NBAS: variants seen among roughly 807,000 people sequenced by gnomAD.
NBAS encodes NBAS subunit of NRZ tethering complex.
In NBAS, 219 loss-of-function variants were observed where a neutral mutation model predicts 302.5. The observed-to-expected ratio is 0.72, with a 90% CI of 0.65 to 0.81. The LOEUF is 0.81. NBAS is among the 30% of genes least tolerant of loss of function. The pLI is 0.00. For synonymous variants in NBAS, 1,118 were observed against 1,021.6 expected, an observed-to-expected ratio of 1.09 and a Z score of -1.80; for missense variants, 2,932 against 2,841.6, an observed-to-expected ratio of 1.03 and a Z score of -0.72.
chr2:14,881,696 G>A, the NBAS span, among the ~76,000 whole-genome samples: 1 of 152,178 alleles, frequency 6.6e-6, no homozygotes, highest in Non-Finnish European at 1.5e-5. Flanking sequence ...GCTGCCACCT[G>A]TTTTTGTTTT....
chr2:15,220,082 G>A (rs1666873005), intron 47 of NBAS, among the ~76,000 whole-genome samples: 11 of 143,778 alleles, frequency 7.7e-5, no homozygotes, highest in Admixed American at 6.8e-5. Context: ...GCGGGGGGCT[G>A]ACCCCCCCCA....
chr2:15,551,202 T>A (rs1223609576), intron 6 of NBAS, among the ~76,000 whole-genome samples: 1 of 152,192 alleles, frequency 6.6e-6, no homozygotes, highest in Non-Finnish European at 1.5e-5. Flanking sequence ...GACTTATACC[T>A]ATTTATTTCT....
intron 45 of NBAS, among the ~76,000 whole-genome samples, chr2:15,235,429 A>T (rs751803162): frequency 2.6e-5 from 4 of 152,200 alleles, no homozygotes; most frequent in Non-Finnish European, 4.4e-5. Flanking sequence ...TTTAAGAAAT[A>T]AGAGGGAAGC....
At chr2:15,142,431 A>C in the NBAS span, among the ~76,000 whole-genome samples, 1 of 152,232 alleles carries the variant, frequency 6.6e-6, no homozygotes, top group Admixed American at 6.5e-5. Context: ...AGGTTCCTGC[A>C]GATGACGTCA....
At chr2:15,053,207 T>A in the NBAS span, among the ~76,000 whole-genome samples, 2 of 152,370 alleles carry the variant, frequency 1.3e-5, no homozygotes, top group East Asian at 1.9e-4. Context: ...ATTTTAAAAT[T>A]ATTTCAGAGG....
At chr2:15,292,254 G>A (rs940719159) in intron 41 of NBAS, among the ~76,000 whole-genome samples, 12 of 152,260 alleles carry the variant, frequency 7.9e-5, no homozygotes, top group Non-Finnish European at 1.8e-4. Flanking sequence ...CAAAGTGCTG[G>A]GATTACAGGC....
At chr2:15,194,573 G>A (rs1665520049) in intron 48 of NBAS, among the ~76,000 whole-genome samples, 1 of 152,020 alleles carries the variant, frequency 6.6e-6, no homozygotes, top group African/African-American at 2.4e-5. Context: ...CTTTCTTAAA[G>A]AAAATGATAA....
the NBAS span, among the ~76,000 whole-genome samples, chr2:15,019,515 T>A: frequency 6.6e-6 from 1 of 152,112 alleles, no homozygotes; most frequent in Non-Finnish European, 1.5e-5. Context: ...TGCCTAGATA[T>A]GGAAGTCAGG....
At chr2:15,287,880 G>T (rs1293618007) in intron 41 of NBAS, among the ~76,000 whole-genome samples, 1 of 151,596 alleles carries the variant, frequency 6.6e-6, no homozygotes, top group African/African-American at 2.4e-5. Context: ...ACCCCGTGTA[G>T]GCATCCCCGC....
intron 48 of NBAS, among the ~76,000 whole-genome samples, chr2:15,193,020 G>C (rs1665436362): frequency 2.0e-5 from 3 of 152,142 alleles, no homozygotes; most frequent in African/African-American, 7.2e-5. Flanking sequence ...GGGAAGAAAA[G>C]AGAACAGAAA....
At chr2:15,455,977 C>T in intron 21 of NBAS, among the ~76,000 whole-genome samples, 1 of 152,144 alleles carries the variant, frequency 6.6e-6, no homozygotes, top group East Asian at 1.9e-4. Context: ...TCTCTATTAT[C>T]TCAAGTTGTG....
chr2:15,518,707 G>C (rs1662521289), intron 9 of NBAS, among the ~76,000 whole-genome samples: 1 of 152,110 alleles, frequency 6.6e-6, no homozygotes, highest in South Asian at 2.1e-4. Context: ...ATAAAGACAT[G>C]CCCGAGACTT....
At chr2:15,034,235 GGAAAGAAA>G in the NBAS span, among the ~76,000 whole-genome samples, 8 of 81,634 alleles carry the variant, frequency 9.8e-5, no homozygotes, top group African/African-American at 3.6e-4. Context: ...AAAGAAAGAA[GGAAAGAAA>G]GAAAGAAAGA....
At chr2:14,881,016 G>A in the NBAS span, among the ~76,000 whole-genome samples, 1 of 151,774 alleles carries the variant, frequency 6.6e-6, no homozygotes, top group Non-Finnish European at 1.5e-5. Flanking sequence ...AAGCATGAGT[G>A]AAAAAAAGTT....
intron 16 of NBAS, among the ~76,000 whole-genome samples, chr2:15,470,120 T>C (rs1679896551): frequency 6.6e-6 from 1 of 152,178 alleles, no homozygotes; most frequent in Non-Finnish European, 1.5e-5. Context: ...TCACATCAGT[T>C]CTTTCTTCAA....
At chr2:15,058,138 G>C in the NBAS span, among the ~76,000 whole-genome samples, 3 of 152,208 alleles carry the variant, frequency 2.0e-5, 1 homozygote, top group Admixed American at 2.0e-4. Context: ...AAAGATGCCT[G>C]CACACCTTTG....
intron 35 of NBAS, among the ~76,000 whole-genome samples, chr2:15,335,705 CTTTA>C (rs1469686843): frequency 6.6e-6 from 1 of 152,140 alleles, no homozygotes; most frequent in Non-Finnish European, 1.5e-5. Flanking sequence ...TATACAAGCT[CTTTA>C]TATATTCTGG....
the NBAS span, among the ~76,000 whole-genome samples, chr2:15,097,660 C>T: frequency 6.6e-6 from 1 of 151,326 alleles, no homozygotes; most frequent in Non-Finnish European, 1.5e-5. Context: ...CTTTCTGGGG[C>T]CCCTTTTATG....
chr2:15,360,717 A>G (rs1424255320), intron 32 of NBAS, among the ~76,000 whole-genome samples: 2 of 147,224 alleles, frequency 1.4e-5, no homozygotes, highest in Non-Finnish European at 3.0e-5. Context: ...AAACACACAT[A>G]TTAGTCTAGC....
Sources: allele counts gnomAD v4.1 joint callset (sites outside exome capture counted in the v4.1 genomes callset), GRCh38; gene constraint gnomAD v4.1.1; transcripts MANE v1.5; gene names NCBI Gene and HGNC (gene_info 2026-07-23, HGNC 2026-07-21).